The following HSP90AA1 variants were observed in gnomAD, a reference collection of about 807,000 sequenced individuals.
HSP90AA1 encodes the protein heat shock protein 90 alpha family class A member 1.
HSP90AA1 carries 18 observed loss-of-function variants against 73.3 expected under a neutral mutation model. The observed-to-expected ratio is 0.25, with a 90% CI of 0.17 to 0.36. HSP90AA1 has a LOEUF of 0.36. Ranked by LOEUF, HSP90AA1 falls within the 10% of genes least tolerant of loss-of-function variation. The pLI is 1.00. For missense variants in HSP90AA1, 704 were observed against 874.2 expected (o/e 0.81, Z 2.45); for synonymous variants, 477 against 296.9 (o/e 1.61, Z -6.24).
chr14:102,123,994 C>T (rs577366917), intron 1 of HSP90AA1, among the ~76,000 whole-genome samples: 2 of 151,938 alleles, frequency 1.3e-5, no homozygotes, highest in South Asian at 4.2e-4. Flanking sequence ...AGAGATGGCG[C>T]CTCCCTCTGT....
At chr14:102,103,818 A>C (rs531796158) in intron 1 of HSP90AA1, among the ~76,000 whole-genome samples, 1 of 151,944 alleles carries the variant, frequency 6.6e-6, no homozygotes, top group African/African-American at 2.4e-5. Context: ...ACAAAAAAAA[A>C]AAAACAAAAA....
At chr14:102,089,217 G>A (rs929079659), upstream of HSP90AA1, among the ~76,000 whole-genome samples, 18 of 152,282 alleles carry the variant, frequency 1.2e-4, no homozygotes, top group African/African-American at 4.1e-4. Flanking sequence ...CACGGCGCCC[G>A]GCCAGCTCTG....
Position 102,085,746 on chromosome 14 carries a change from T to C in HSP90AA1, c.529+12A>G, listed in dbSNP as rs1278683861. On this transcript the variant is annotated intron_variant, in intron 3 of 10. Coordinates refer to ENST00000216281, the MANE Select transcript of HSP90AA1 (RefSeq NM_005348.4). ...CACCGCTCACTTAACCAGTGAATGTTCAGGTGCCTACCTGTGTCTGTCCTC... is the reference window on the plus strand; with the variant it reads ...CACCGCTCACTTAACCAGTGAATGTCCAGGTGCCTACCTGTGTCTGTCCTC... 6.2e-7 allele frequency: 1 copy of C among 1,613,988 alleles called. No homozygotes were observed. Among genetic ancestry groups the C allele is most frequent in the South Asian group, 1.1e-5 (1 of 91,070 alleles).
chr14:102,120,535 G>T (rs1434746464), intron 1 of HSP90AA1, among the ~76,000 whole-genome samples: 1 of 152,036 alleles, frequency 6.6e-6, no homozygotes, highest in African/African-American at 2.4e-5. Flanking sequence ...TTTAACACAA[G>T]AAAATAGATT....
At chr14:102,111,461 G>A (rs569127207) in intron 1 of HSP90AA1, among the ~76,000 whole-genome samples, 6 of 152,300 alleles carry the variant, frequency 3.9e-5, no homozygotes, top group Non-Finnish European at 7.3e-5. Context: ...TGAGGTTTGG[G>A]AACCTCTGCC....
chr14:102,136,596 A>C, intron 1 of HSP90AA1, among the ~76,000 whole-genome samples: 1 of 148,144 alleles, frequency 6.8e-6, no homozygotes, highest in South Asian at 2.2e-4. Context: ...AAAAAGAAAT[A>C]CCCGGTTTGG....
rs903449523 is a variant in HSP90AA1 at position 102,086,996 on chromosome 14, T to G, written c.-11A>C. ...ACAACCACCCGTCACCTTGGCTAAGTGACCGCACAGGACCAACGGCACAGC... is the reference window on the plus strand; with the variant it reads ...ACAACCACCCGTCACCTTGGCTAAGGGACCGCACAGGACCAACGGCACAGC... On this transcript the variant is annotated 5_prime_UTR_variant, in exon 1 of 11. Coordinates refer to ENST00000216281, the MANE Select transcript of HSP90AA1 (RefSeq NM_005348.4). 5.1e-6 allele frequency: 5 copies of G among 984,568 alleles called. No individual in the cohort carries two copies. In the African/African-American group the frequency reaches 5.3e-5, roughly 10 times the overall value. The allele number at this position is 984,568 out of a possible 1,614,324, so 61.0% of individuals were successfully genotyped here.
In HSP90AA1 at chr14:102,085,388, T is replaced by C. The variant is rs755316325; in HGVS notation, c.573A>G (p.Lys191=). Residue 191 remains lysine, a synonymous_variant, in exon 4 of 11, where the codon AAA becomes AAG. Coordinates refer to ENST00000216281, the MANE Select transcript of HSP90AA1 (RefSeq NM_005348.4). ...CCTCCAAGTACTCAGTTTGGTCTTCTTTCAGGTGTAGGATAACTTTTGTTC... is the reference window on the plus strand; with the variant it reads ...CCTCCAAGTACTCAGTTTGGTCTTCCTTCAGGTGTAGGATAACTTTTGTTC... The part of the protein sequence containing the change: ...GRGTKVILHL[K]EDQTEYLEER... The C allele has an allele frequency of 9.3e-6, 15 of 1,613,824 alleles. No homozygotes were observed. Among genetic ancestry groups the C allele is most frequent in the Admixed American group, 5.0e-5 (3 of 60,024 alleles).
chr14:102,097,822 G>A (rs7160651), intron 2 of HSP90AA1, among the ~76,000 whole-genome samples: 13,923 of 152,160 alleles, frequency 0.092, 1,028 homozygotes, highest in African/African-American at 0.2. Context: ...ACCTTGTCAC[G>A]AATGGGTTGT....
At chr14:102,106,398 G>A (rs1279635587) in intron 1 of HSP90AA1, among the ~76,000 whole-genome samples, 1 of 152,048 alleles carries the variant, frequency 6.6e-6, no homozygotes, top group African/African-American at 2.4e-5. Flanking sequence ...AGAACCTTTT[G>A]TTCTGTCAGC....
exon 1 of HSP90AA1, chr14:102,139,672 C>T: frequency 1.5e-6 from 1 of 655,816 alleles, no homozygotes; most frequent in East Asian, 2.7e-5. Flanking sequence ...GCCATGCCGC[C>T]CGGAGGCCAC....
chr14:102,128,911 T>C (rs1219750580), intron 1 of HSP90AA1, among the ~76,000 whole-genome samples: 4 of 152,054 alleles, frequency 2.6e-5, no homozygotes, highest in East Asian at 3.8e-4. Context: ...AGGTAAGAAA[T>C]GAGAAAGGTT....
chr14:102,085,804 A>G lies in HSP90AA1; in HGVS notation c.483T>C (p.Ala161=), dbSNP rs772787983. 6.2e-7 allele frequency: 1 copy of G among 1,613,932 alleles called. No individual in the cohort carries two copies. Among genetic ancestry groups the G allele is most frequent in the Non-Finnish European group, 8.5e-7 (1 of 1,179,854 alleles). ...ITKHNDDEQY[A]WESSAGGSFT... ...ATGATCCCCCTGCTGAGGACTCCCA[A>G]GCGTACTGCTCATCATCGTTATGTT... is the stretch of plus-strand genomic sequence containing the variant. Residue 161 remains alanine, a synonymous_variant, in exon 3 of 11, where the codon GCT becomes GCC. Transcript: ENST00000216281.
chr14:102,139,169 T>G, intron 1 of HSP90AA1: 1 of 1,516,280 alleles, frequency 6.6e-7, no homozygotes, highest in South Asian at 1.1e-5. Context: ...TGAGAACACC[T>G]ATGCTGTACC....
At chr14:102,121,550 T>G (rs891193624) in intron 1 of HSP90AA1, among the ~76,000 whole-genome samples, 3 of 152,238 alleles carry the variant, frequency 2.0e-5, no homozygotes, top group Non-Finnish European at 2.9e-5. Flanking sequence ...GCCTGTTTTT[T>G]TTCTCACCAA....
upstream of HSP90AA1, among the ~76,000 whole-genome samples, chr14:102,090,428 C>T (rs1297153235): frequency 2.0e-5 from 3 of 151,416 alleles, no homozygotes; most frequent in East Asian, 1.9e-4. Context: ...CCAGCCTCCT[C>T]CTCTTCCTTC....
At chr14:102,084,298 G>T in intron 6 of HSP90AA1, 101 bp downstream of exon 6, 2 of 1,097,272 alleles carry the variant, frequency 1.8e-6, no homozygotes, top group Non-Finnish European at 2.8e-6. Flanking sequence ...TGCCCACCCC[G>T]GCCTCCCAAA....
At chr14:102,095,330 T>C (rs1370273405) in intron 2 of HSP90AA1, among the ~76,000 whole-genome samples, 1 of 152,106 alleles carries the variant, frequency 6.6e-6, no homozygotes, top group Non-Finnish European at 1.5e-5. Flanking sequence ...TGCTTGGGTG[T>C]GGGAGCACCT....
At chr14:102,118,126 C>T (rs572222582) in intron 1 of HSP90AA1, among the ~76,000 whole-genome samples, 14 of 152,174 alleles carry the variant, frequency 9.2e-5, no homozygotes, top group Non-Finnish European at 1.8e-4. Context: ...GGCATAGGAT[C>T]CAGGCTGGTA....
Sources: allele counts gnomAD v4.1 joint callset (sites outside exome capture counted in the v4.1 genomes callset), GRCh38; gene constraint gnomAD v4.1.1; transcripts MANE v1.5; gene names NCBI Gene and HGNC (gene_info 2026-07-23, HGNC 2026-07-21).